The following SMAD4 variants were observed in gnomAD, a reference collection of about 807,000 sequenced individuals.
SMAD4 encodes the protein MAD homolog 4.
A neutral mutation model predicts 63.2 loss-of-function variants in SMAD4; 7 were observed. The ratio of observed to expected loss-of-function variants is 0.11; its 90% CI spans 0.06 to 0.21. The LOEUF is 0.21. SMAD4 is among the 10% of genes least tolerant of loss of function. SMAD4 has a pLI of 1.00. For missense variants in SMAD4, 312 were observed against 693.8 expected, an observed-to-expected ratio of 0.45 and a Z score of 6.18; for synonymous variants, 215 against 235.4, an observed-to-expected ratio of 0.91 and a Z score of 0.79.
At chr18:51,058,485 ATTTTTT>A in intron 7 of SMAD4, 29 bp downstream of exon 7, 1 of 1,094,366 alleles carries the variant, frequency 9.1e-7, no homozygotes, top group Non-Finnish European at 1.3e-6. Context: ...TGTAAGGGCT[ATTTTTT>A]TTTTTTTTTT....
intron 10 of SMAD4, among the ~76,000 whole-genome samples, chr18:51,069,171 C>T (rs903703507): frequency 1.3e-5 from 2 of 152,154 alleles, no homozygotes; most frequent in Non-Finnish European, 2.9e-5. Context: ...GGCTAGAGTA[C>T]AGTGGTGCCA....
intron 10 of SMAD4, among the ~76,000 whole-genome samples, chr18:51,067,541 T>G (rs1827317247): frequency 6.6e-6 from 1 of 152,038 alleles, no homozygotes; most frequent in African/African-American, 2.4e-5. Context: ...GCATCCCAAG[T>G]AGCTGGGATT....
At chr18:51,039,132 C>G (rs1909296936) in intron 1 of SMAD4, among the ~76,000 whole-genome samples, 1 of 152,096 alleles carries the variant, frequency 6.6e-6, no homozygotes, top group African/African-American at 2.4e-5. Flanking sequence ...ATAAAGGGAT[C>G]CTGAGATCAG....
In SMAD4 at chr18:51,083,999, C is replaced by T. The variant is rs976224961; in HGVS notation, c.*5532C>T. 16 of 111,624 alleles carry T rather than the reference C, an allele frequency of 1.4e-4. No individual in the cohort carries two copies. The highest frequency in any genetic ancestry group is 2.4e-4 in the East Asian group (2 of 8,262). The allele number at this position is 111,624 out of a possible 1,614,324, so 6.9% of individuals were successfully genotyped here. On this transcript the variant is annotated 3_prime_UTR_variant, in exon 12 of 12. Transcript: ENST00000342988. ...CTGCAATAAACACTTAACGCGCGTG[C>T]GCACGCGCGCGCGCACACACACACA...
At position 51,079,061 on chromosome 18, in the gene SMAD4, G is replaced by A. The variant is rs537321708; in HGVS notation, c.*594G>A. 4.3e-6 allele frequency: 1 copy of A among 233,118 alleles called. No homozygotes were observed. Among genetic ancestry groups the A allele is most frequent in the Non-Finnish European group, 8.5e-6 (1 of 117,938 alleles). 14.4% of individuals were successfully genotyped at this position (233,118 alleles called of 1,614,324 possible). On this transcript the variant is annotated 3_prime_UTR_variant, in exon 12 of 12. Coordinates refer to ENST00000342988, the MANE Select transcript of SMAD4 (RefSeq NM_005359.6). Reference sequence around the variant, plus strand: ...TATTAGTGAAGATGGTTTCAATTCAGATTGTCTTGCAACTTCAGTTTTATT... The same window carrying A: ...TATTAGTGAAGATGGTTTCAATTCAAATTGTCTTGCAACTTCAGTTTTATT...
intron 1 of SMAD4, among the ~76,000 whole-genome samples, chr18:51,036,884 G>A (rs1271798081): frequency 2.6e-5 from 4 of 152,202 alleles, no homozygotes; most frequent in East Asian, 3.9e-4. Context: ...GAGGCCGGGT[G>A]CGGTGACTCA....
chr18:51,034,705 C>CT (rs945359944), intron 1 of SMAD4, among the ~76,000 whole-genome samples: 4 of 152,270 alleles, frequency 2.6e-5, no homozygotes, highest in Non-Finnish European at 4.4e-5. Context: ...TCACACCTGT[C>CT]TAATTTTTTG....
intron 4 of SMAD4, among the ~76,000 whole-genome samples, chr18:51,051,971 A>AT (rs1009092767): frequency 2.7e-4 from 40 of 150,098 alleles, no homozygotes; most frequent in Non-Finnish European, 5.5e-4. Flanking sequence ...CATGCCCAGC[A>AT]TTTTTTTTTG....
chr18:51,064,550 A>G (rs1160050869), intron 8 of SMAD4, among the ~76,000 whole-genome samples: 2 of 152,256 alleles, frequency 1.3e-5, no homozygotes, highest in African/African-American at 4.8e-5. Flanking sequence ...AAAACAGGAA[A>G]GCCAAATAAT....
chr18:51,054,702 A>G (rs2056338820), intron 4 of SMAD4, 79 bp from the exon 5 acceptor site: 1 of 907,484 alleles, frequency 1.1e-6, no homozygotes, highest in Admixed American at 2.0e-5. Context: ...AGGTGTTATT[A>G]TATTACTTGC....
At position 51,078,675 on chromosome 18, in the gene SMAD4, C is replaced by T. The variant is rs1470854263; in HGVS notation, c.*208C>T. Reference sequence around the variant, plus strand: ...TCTTCAGAACTTGTCAGGCATGGCTCAGAGCTTGAAGATTAGGAGAAACAC... The same window carrying T: ...TCTTCAGAACTTGTCAGGCATGGCTTAGAGCTTGAAGATTAGGAGAAACAC... On this transcript the variant is annotated 3_prime_UTR_variant, in exon 12 of 12. Coordinates refer to ENST00000342988, the MANE Select transcript of SMAD4 (RefSeq NM_005359.6). 19 of 554,896 alleles carry T rather than the reference C, an allele frequency of 3.4e-5. No homozygotes were observed. Among genetic ancestry groups the T allele is most frequent in the South Asian group, 2.5e-5 (1 of 39,606 alleles). The allele number at this position is 554,896 out of a possible 1,614,324, so 34.4% of individuals were successfully genotyped here. A position where few individuals can be genotyped will look rare whatever the true frequency, so the allele number is the denominator to read the frequency against.
At chr18:51,035,791 G>A in intron 1 of SMAD4, among the ~76,000 whole-genome samples, 1 of 152,096 alleles carries the variant, frequency 6.6e-6, no homozygotes, top group Non-Finnish European at 1.5e-5. Flanking sequence ...CAAGTGCTGG[G>A]CTATGGAGTA....
chr18:51,078,512 T>C lies in SMAD4; in HGVS notation c.*45T>C. ...CCTTAACCTTATCAGGATGGTGGACTACAAAATACAATCCTGTTTATAATC... is the reference window on the plus strand; with the variant it reads ...CCTTAACCTTATCAGGATGGTGGACCACAAAATACAATCCTGTTTATAATC... On this transcript the variant is annotated 3_prime_UTR_variant, in exon 12 of 12. Coordinates refer to ENST00000342988, the MANE Select transcript of SMAD4 (RefSeq NM_005359.6). 8.2e-7 allele frequency: 1 copy of C among 1,218,262 alleles called. No individual in the cohort carries two copies. The highest frequency in any genetic ancestry group is 1.2e-6 in the Non-Finnish European group (1 of 828,452). 75.5% of individuals were successfully genotyped at this position (1,218,262 alleles called of 1,614,324 possible).
chr18:51,055,893 C>T (rs1172897648), intron 5 of SMAD4, among the ~76,000 whole-genome samples: 1 of 151,996 alleles, frequency 6.6e-6, no homozygotes, highest in Non-Finnish European at 1.5e-5. Context: ...AGATTAGATT[C>T]AACATAGAAA....
At chr18:51,036,167 G>A (rs1015227206) in intron 1 of SMAD4, among the ~76,000 whole-genome samples, 1 of 151,806 alleles carries the variant, frequency 6.6e-6, no homozygotes, top group African/African-American at 2.4e-5. Context: ...TTGTAGAAAT[G>A]GGGGGGCGGG....
At chr18:51,074,309 G>C (rs1255016096) in intron 10 of SMAD4, among the ~76,000 whole-genome samples, 1 of 151,876 alleles carries the variant, frequency 6.6e-6, no homozygotes, top group Non-Finnish European at 1.5e-5. Context: ...GAGCCCAGGT[G>C]TTCAAGACTA....
chr18:51,077,274 G>A (rs1910494818), intron 11 of SMAD4: 2 of 357,026 alleles, frequency 5.6e-6, no homozygotes, highest in Non-Finnish European at 7.8e-6. Context: ...CTGTGTGCCA[G>A]GTTTCACACT....
chr18:51,051,504 A>C, intron 4 of SMAD4: 1 of 424,502 alleles, frequency 2.4e-6, no homozygotes, highest in South Asian at 1.7e-5. Context: ...TTTACCTTTC[A>C]TGAAACTTTC....
At chr18:51,050,434 C>A (rs946300859) in intron 4 of SMAD4, among the ~76,000 whole-genome samples, 3 of 151,242 alleles carry the variant, frequency 2.0e-5, no homozygotes, top group Non-Finnish European at 4.4e-5. Context: ...CCGAGGAGGG[C>A]GGATCACGAG....
Sources: allele counts gnomAD v4.1 joint callset (sites outside exome capture counted in the v4.1 genomes callset), GRCh38; gene constraint gnomAD v4.1.1; transcripts MANE v1.5; gene names NCBI Gene and HGNC (gene_info 2026-07-23, HGNC 2026-07-21).